Variants in COL5A2 observed in about 807,000 individuals in gnomAD.
The protein encoded by COL5A2 is collagen type V alpha 2 chain.
COL5A2 carries 23 observed loss-of-function variants against 208.2 expected under a neutral mutation model. The observed-to-expected ratio is 0.11, with a 90% confidence interval of 0.08 to 0.16. COL5A2 has a LOEUF of 0.16. Ranked by LOEUF, COL5A2 falls within the 10% of genes least tolerant of loss-of-function variation. The pLI is 1.00. For missense variants in COL5A2, 1,590 were observed against 1,956.4 expected (o/e 0.81, Z 3.53); for synonymous variants, 625 against 628.5 (o/e 0.99, Z 0.08).
At chr2:189,319,552 G>A in the COL5A2 span, among the ~76,000 whole-genome samples, 10 of 152,222 alleles carry the variant, frequency 6.6e-5, no homozygotes, top group Non-Finnish European at 1.5e-4. Context: ...CCACGCCCAC[G>A]GAGCCTTGCT....
chr2:189,251,256 C>A, the COL5A2 span, among the ~76,000 whole-genome samples: 1 of 151,956 alleles, frequency 6.6e-6, no homozygotes, highest in Non-Finnish European at 1.5e-5. Context: ...GAGAGAGTGC[C>A]AGTGTGTAAA....
chr2:189,218,056 T>C (rs1295423772), intron 1 of COL5A2, among the ~76,000 whole-genome samples: 2 of 152,162 alleles, frequency 1.3e-5, no homozygotes, highest in Admixed American at 1.3e-4. Flanking sequence ...ACTTCTGAGG[T>C]TTGCTCAGTG....
At chr2:189,057,886 T>C (rs1685935634) in intron 33 of COL5A2, among the ~76,000 whole-genome samples, 1 of 152,206 alleles carries the variant, frequency 6.6e-6, no homozygotes, top group African/African-American at 2.4e-5. Flanking sequence ...AGGGGTCTCA[T>C]GTCACATGAC....
At chr2:189,425,951 G>A in the COL5A2 span, among the ~76,000 whole-genome samples, 1 of 152,148 alleles carries the variant, frequency 6.6e-6, no homozygotes, top group South Asian at 2.1e-4. Flanking sequence ...GTGGAATCCT[G>A]AGCCAATTAA....
At chr2:189,098,336 T>G (rs1686964620) in intron 5 of COL5A2, among the ~76,000 whole-genome samples, 4 of 152,234 alleles carry the variant, frequency 2.6e-5, no homozygotes, top group Non-Finnish European at 5.9e-5. Context: ...GCTGTATGAT[T>G]TCTCAAATTC....
At chr2:189,320,129 A>T in the COL5A2 span, among the ~76,000 whole-genome samples, 15 of 152,338 alleles carry the variant, frequency 9.8e-5, no homozygotes, top group South Asian at 2.5e-3. Flanking sequence ...GAAAACTAAC[A>T]AACAGAAAGG....
intron 3 of COL5A2, among the ~76,000 whole-genome samples, chr2:189,103,148 A>G (rs535774970): frequency 2.6e-5 from 4 of 152,092 alleles, no homozygotes; most frequent in Non-Finnish European, 5.9e-5. Flanking sequence ...CCATCCATCT[A>G]TCTTTCACCT....
chr2:189,266,138 G>T, the COL5A2 span, among the ~76,000 whole-genome samples: 1 of 152,050 alleles, frequency 6.6e-6, no homozygotes, highest in Non-Finnish European at 1.5e-5. Context: ...TAAAAAAGAT[G>T]TAAAATAGGC....
intron 1 of COL5A2, among the ~76,000 whole-genome samples, chr2:189,174,008 G>C (rs1334136473): frequency 6.6e-6 from 1 of 152,174 alleles, no homozygotes; most frequent in Non-Finnish European, 1.5e-5. Flanking sequence ...TACATTTTAA[G>C]AATGCCATGT....
At chr2:189,299,532 G>A in the COL5A2 span, among the ~76,000 whole-genome samples, 1 of 152,142 alleles carries the variant, frequency 6.6e-6, no homozygotes. Flanking sequence ...AATATTTTAA[G>A]AGTATACTCC....
the COL5A2 span, among the ~76,000 whole-genome samples, chr2:189,353,919 G>T: frequency 1.3e-5 from 2 of 152,160 alleles, no homozygotes; most frequent in Non-Finnish European, 2.9e-5. Flanking sequence ...GATATTGGCT[G>T]TGGGTTTGTC....
At chr2:189,305,883 A>C in the COL5A2 span, among the ~76,000 whole-genome samples, 2 of 151,986 alleles carry the variant, frequency 1.3e-5, no homozygotes, top group African/African-American at 4.8e-5. Context: ...TCAGGGCATC[A>C]GTCAGCACCT....
chr2:189,380,035 T>TA, the COL5A2 span, among the ~76,000 whole-genome samples: 230 of 151,248 alleles, frequency 1.5e-3, no homozygotes, highest in African/African-American at 5.5e-3. Context: ...AGTGAAATAT[T>TA]TTATATATAT....
chr2:189,191,429 T>C (rs567370123), intron 1 of COL5A2, among the ~76,000 whole-genome samples: 1 of 152,016 alleles, frequency 6.6e-6, no homozygotes, highest in South Asian at 2.1e-4. Flanking sequence ...TCACCTGAGG[T>C]CAGGAGTTCG....
In COL5A2 at chr2:189,206,879, G is replaced by T. The variant is rs1232889587; in HGVS notation, c.-42+18269C>A. 2.6e-5 allele frequency among the ~76,000 whole-genome samples: 4 copies of T among 152,188 alleles called. No homozygotes were observed. In the South Asian group the frequency reaches 8.3e-4, roughly 31 times the overall value. On this transcript the variant is annotated intron_variant, in intron 1 of 10. Transcript: ENST00000649966. Reference sequence around the variant, plus strand: ...TGATAATTTGTTTCAACTGAATTTTGAGCAGTGATTAAATAAGAACCTGTA... The same window carrying T: ...TGATAATTTGTTTCAACTGAATTTTTAGCAGTGATTAAATAAGAACCTGTA...
chr2:189,205,856 C>T (rs1209268974), intron 1 of COL5A2, among the ~76,000 whole-genome samples: 1 of 152,080 alleles, frequency 6.6e-6, no homozygotes, highest in East Asian at 1.9e-4. Context: ...TAGGATATCA[C>T]ATTTATTAGA....
At chr2:189,170,446 A>C (rs1688551617) in intron 1 of COL5A2, among the ~76,000 whole-genome samples, 1 of 152,214 alleles carries the variant, frequency 6.6e-6, no homozygotes, top group Admixed American at 6.5e-5. Flanking sequence ...AGGAAAGGGG[A>C]TATTTATTGC....
intron 31 of COL5A2, among the ~76,000 whole-genome samples, chr2:189,059,406 T>C (rs1429543458): frequency 6.6e-6 from 1 of 151,886 alleles, no homozygotes; most frequent in Non-Finnish European, 1.5e-5. Flanking sequence ...AATTAAAAGT[T>C]TGTTTGTTCT....
chr2:189,303,979 G>C, the COL5A2 span, among the ~76,000 whole-genome samples: 1 of 152,168 alleles, frequency 6.6e-6, no homozygotes, highest in Non-Finnish European at 1.5e-5. Flanking sequence ...AGCTAGAGTA[G>C]ATTAGGTCTC....
Sources: allele counts gnomAD v4.1 joint callset (sites outside exome capture counted in the v4.1 genomes callset), GRCh38; gene constraint gnomAD v4.1.1; transcripts MANE v1.5; gene names NCBI Gene and HGNC (gene_info 2026-07-23, HGNC 2026-07-21).